Variants in BAZ2B observed in about 807,000 individuals in gnomAD.
BAZ2B encodes bromodomain adjacent to zinc finger domain protein 2B.
Under a neutral mutation model 246.0 loss-of-function variants are expected in BAZ2B, and 91 were observed. The ratio of observed to expected loss-of-function variants is 0.37; its 90% confidence interval spans 0.31 to 0.44. BAZ2B has a LOEUF of 0.44. BAZ2B is among the 20% of genes least tolerant of loss of function. The pLI, the probability that BAZ2B is intolerant of heterozygous loss-of-function variation, is 1.00. For synonymous variants in BAZ2B, 855 were observed against 860.0 expected (o/e 0.99, Z 0.10); for missense variants, 2,332 against 2,533.7 (o/e 0.92, Z 1.71).
intron 3 of BAZ2B, among the ~76,000 whole-genome samples, chr2:159,458,021 A>G (rs888195082): frequency 4.6e-5 from 7 of 151,896 alleles, no homozygotes; most frequent in African/African-American, 1.7e-4. Flanking sequence ...TCATATTATT[A>G]TTTTTTTGAC....
At position 159,448,117 on chromosome 2, in the gene BAZ2B, T is replaced by G; in HGVS notation, c.502+125A>C. ...CCAGCCTGGGCAAAAGAGTGAGACC[T>G]TGTCTCTATTAAAACAAACAAACAA... On this transcript the variant is annotated intron_variant, in intron 5 of 36. Coordinates refer to ENST00000392783, the MANE Select transcript of BAZ2B (RefSeq NM_013450.4). 2.7e-6 allele frequency: 3 copies of G among 1,105,316 alleles called. No homozygotes were observed. The South Asian group carries it at 4.9e-5, about 18-fold the overall frequency. 68.5% of individuals were successfully genotyped at this position (1,105,316 alleles called of 1,614,324 possible). A position where few individuals can be genotyped will look rare whatever the true frequency, so the allele number is the denominator to read the frequency against.
chr2:159,596,243 A>C (rs1690677729), intron 1 of BAZ2B, among the ~76,000 whole-genome samples: 1 of 152,186 alleles, frequency 6.6e-6, no homozygotes, highest in Non-Finnish European at 1.5e-5. Flanking sequence ...CTTGATGTTT[A>C]CCATATTGGA....
the BAZ2B span, among the ~76,000 whole-genome samples, chr2:159,630,568 C>T: frequency 6.7e-6 from 1 of 149,986 alleles, no homozygotes; most frequent in Non-Finnish European, 1.5e-5. Flanking sequence ...GAGTCTCGCT[C>T]TGTCGCCCAG....
chr2:159,544,445 G>T (rs748165525), intron 2 of BAZ2B, among the ~76,000 whole-genome samples: 5 of 152,160 alleles, frequency 3.3e-5, no homozygotes, highest in Non-Finnish European at 7.4e-5. Context: ...TTTCTACCTT[G>T]AGCGGCTAAG....
chr2:159,426,528 C>CTAA (rs1439585522), intron 13 of BAZ2B, among the ~76,000 whole-genome samples: 6 of 151,948 alleles, frequency 3.9e-5, no homozygotes, highest in Admixed American at 1.3e-4. Flanking sequence ...TAGTCTAAGT[C>CTAA]AAAATCTTTA....
upstream of BAZ2B, among the ~76,000 whole-genome samples, chr2:159,619,609 GAT>G (rs1376106377): frequency 1.3e-5 from 2 of 150,308 alleles, no homozygotes; most frequent in Admixed American, 1.3e-4. Flanking sequence ...TGGTAATTCA[GAT>G]ATACAAATTA....
intron 2 of BAZ2B, among the ~76,000 whole-genome samples, chr2:159,512,293 C>G (rs1397270795): frequency 1.3e-5 from 2 of 152,150 alleles, no homozygotes; most frequent in African/African-American, 4.8e-5. Flanking sequence ...GAAATAACTT[C>G]TATTTCGATC....
chr2:159,571,642 A>G (rs796248000), intron 1 of BAZ2B, among the ~76,000 whole-genome samples: 7 of 152,206 alleles, frequency 4.6e-5, no homozygotes, highest in Admixed American at 3.9e-4. Flanking sequence ...CTTAGTCCCT[A>G]TTCTGCTGCT....
At chr2:159,489,234 CTA>C (rs1279958046) in intron 2 of BAZ2B, among the ~76,000 whole-genome samples, 1 of 151,470 alleles carries the variant, frequency 6.6e-6, no homozygotes, top group Non-Finnish European at 1.5e-5. Context: ...ATAAAGAAAA[CTA>C]ATAGAAACTT....
At chr2:159,551,466 C>CAAAA (rs57418948) in intron 2 of BAZ2B, among the ~76,000 whole-genome samples, 11 of 71,660 alleles carry the variant, frequency 1.5e-4, no homozygotes, top group Non-Finnish European at 1.9e-4. Context: ...GACTCAGACT[C>CAAAA]AAAAAAAAAA....
the BAZ2B span, among the ~76,000 whole-genome samples, chr2:159,700,526 A>C: frequency 5.9e-5 from 9 of 152,092 alleles, no homozygotes; most frequent in African/African-American, 2.2e-4. Flanking sequence ...GCTCACTGCA[A>C]CCTCCGCCTC....
At chr2:159,651,516 A>G in the BAZ2B span, among the ~76,000 whole-genome samples, 26 of 152,166 alleles carry the variant, frequency 1.7e-4, no homozygotes, top group Non-Finnish European at 3.2e-4. Context: ...GAGTACATTC[A>G]TGGGGTCAAC....
At chr2:159,344,027 C>CAAAAAAAAAAAAA (rs70994297) in intron 31 of BAZ2B, among the ~76,000 whole-genome samples, 1 of 96,912 alleles carries the variant, frequency 1.0e-5, no homozygotes, top group Non-Finnish European at 2.0e-5. Context: ...GACTCCATCT[C>CAAAAAAAAAAAAA]AAAAAAAAAA....
chr2:159,608,176 A>G (rs964342737), intron 1 of BAZ2B, among the ~76,000 whole-genome samples: 2 of 152,212 alleles, frequency 1.3e-5, no homozygotes, highest in Non-Finnish European at 2.9e-5. Flanking sequence ...GGAGTTCAAG[A>G]GTAACCTGGG....
In BAZ2B at chr2:159,349,003, C is replaced by T. The variant is rs2058279274; in HGVS notation, c.5137+4G>A. ...GTGGCTGTAAACCATCTCAATGTAC[C>T]TACCTTCTGGAATAGGTTTTGGACT... On this transcript the variant is annotated splice_donor_region_variant and intron_variant, in intron 29 of 36. Transcript: ENST00000392783. The T allele has an allele frequency of 1.2e-6, 2 of 1,613,234 alleles. No homozygotes were observed. Among genetic ancestry groups the T allele is most frequent in the Non-Finnish European group, 1.7e-6 (2 of 1,179,500 alleles).
chr2:159,337,445 T>C (rs1575733537), intron 32 of BAZ2B, 122 bp downstream of exon 32: 1 of 1,585,090 alleles, frequency 6.3e-7, no homozygotes, highest in East Asian at 2.2e-5. Flanking sequence ...TTTTTCAAGT[T>C]AATCTCAATA....
the BAZ2B span, among the ~76,000 whole-genome samples, chr2:159,671,678 T>C: frequency 1.3e-5 from 2 of 152,144 alleles, no homozygotes; most frequent in African/African-American, 2.4e-5. Flanking sequence ...CTAGCAGAAA[T>C]AGTTTATGTA....
At chr2:159,462,995 A>G in intron 3 of BAZ2B, 1 of 811,526 alleles carries the variant, frequency 1.2e-6, no homozygotes, top group Non-Finnish European at 2.2e-6. Flanking sequence ...TTGGATCTAA[A>G]ACTCTGCTAT....
chr2:159,579,619 A>G (rs1169653633), intron 1 of BAZ2B, among the ~76,000 whole-genome samples: 1 of 152,120 alleles, frequency 6.6e-6, no homozygotes, highest in Non-Finnish European at 1.5e-5. Context: ...AGACACAACA[A>G]AAAAAAGATA....
Sources: allele counts gnomAD v4.1 joint callset (sites outside exome capture counted in the v4.1 genomes callset), GRCh38; gene constraint gnomAD v4.1.1; transcripts MANE v1.5; gene names NCBI Gene and HGNC (gene_info 2026-07-23, HGNC 2026-07-21).